Variants in MOB3B observed in about 807,000 individuals in gnomAD.
The protein encoded by MOB3B is MOB kinase activator 3B.
MOB3B carries 7 observed loss-of-function variants against 18.7 expected under a neutral mutation model. That is an observed-to-expected ratio of 0.37 (90% CI 0.21 to 0.70). MOB3B has a LOEUF of 0.70. Among genes scored for constraint, MOB3B ranks in the 30% least tolerant of loss-of-function variants. The probability of loss-of-function intolerance (pLI) is 0.52; values close to 1 mark genes in which losing one functional copy is unlikely to be tolerated. For synonymous variants in MOB3B, 111 were observed against 99.9 expected, an observed-to-expected ratio of 1.11 and a Z score of -0.66; for missense variants, 253 against 281.3, an observed-to-expected ratio of 0.90 and a Z score of 0.72.
rs563689797 is a variant in MOB3B at position 27,481,513 on chromosome 9, T to C, written c.-198-25765A>G. ...AGGAAGGTAGTTTTTTTTTTTTTGTTTTTTTTGTTTTTTTTTTTTTTTGAG... is the reference window on the plus strand; with the variant it reads ...AGGAAGGTAGTTTTTTTTTTTTTGTCTTTTTTGTTTTTTTTTTTTTTTGAG... On this transcript the variant is annotated intron_variant, in intron 1 of 3. Coordinates refer to ENST00000262244, the MANE Select transcript of MOB3B (RefSeq NM_024761.5). Among the ~76,000 whole-genome samples the C allele has an allele frequency of 3.6e-4, 48 of 131,738 alleles. 2 individuals are homozygous for C. In the South Asian group the frequency reaches 0.012, roughly 32 times the overall value. The allele number at this position is 131,738 out of a possible 152,430, so 86.4% of individuals were successfully genotyped here.
chr9:27,516,675 T>G (rs184468635), intron 1 of MOB3B, among the ~76,000 whole-genome samples: 95 of 152,292 alleles, frequency 6.2e-4, no homozygotes, highest in Non-Finnish European at 9.7e-4. Context: ...TCCTCTCCAG[T>G]TTCCTCTTCT....
At chr9:27,445,641 C>G (rs1048908837) in intron 2 of MOB3B, among the ~76,000 whole-genome samples, 35 of 152,036 alleles carry the variant, frequency 2.3e-4, no homozygotes. Flanking sequence ...GGTAAGTCCG[C>G]AATATTTAGC....
intron 1 of MOB3B, among the ~76,000 whole-genome samples, chr9:27,505,418 T>C (rs1049785883): frequency 9.2e-5 from 14 of 152,320 alleles, no homozygotes; most frequent in Non-Finnish European, 1.8e-4. Flanking sequence ...TTCCCGTGAA[T>C]GTGGGAAGTA....
chr9:27,398,072 C>T (rs12552011), intron 2 of MOB3B, among the ~76,000 whole-genome samples: 1,962 of 152,260 alleles, frequency 0.013, 16 homozygotes, highest in Non-Finnish European at 0.021. Context: ...TTCAGGAATC[C>T]CAGATCAGCA....
intron 1 of MOB3B, among the ~76,000 whole-genome samples, chr9:27,522,922 T>TAC: frequency 6.6e-6 from 1 of 150,566 alleles, no homozygotes; most frequent in East Asian, 2.1e-4. Context: ...AATATATATA[T>TAC]ATATATTTTT....
chr9:27,453,933 C>T (rs1822831708), intron 2 of MOB3B, among the ~76,000 whole-genome samples: 1 of 152,112 alleles, frequency 6.6e-6, no homozygotes, highest in South Asian at 2.1e-4. Flanking sequence ...AACCTGCCTT[C>T]TTCCTCCTAT....
At chr9:27,449,269 T>C (rs905691003) in intron 2 of MOB3B, among the ~76,000 whole-genome samples, 26 of 152,366 alleles carry the variant, frequency 1.7e-4, no homozygotes, top group Non-Finnish European at 2.9e-4. Flanking sequence ...AAGCACATTT[T>C]ATTTTACTGA....
intron 2 of MOB3B, among the ~76,000 whole-genome samples, chr9:27,438,060 G>A (rs937441925): frequency 7.9e-5 from 12 of 152,154 alleles, no homozygotes; most frequent in African/African-American, 2.2e-4. Flanking sequence ...CTAACACCAC[G>A]AAGACATTGT....
At position 27,524,197 on chromosome 9, in the gene MOB3B, G is replaced by T. The variant is rs1487630180; in HGVS notation, c.-199+5358C>A. The T allele has an allele frequency of 1.4e-5, 5 of 359,370 alleles. No homozygotes were observed. The South Asian group carries it at 1.8e-4, about 13-fold the overall frequency. 22.3% of individuals were successfully genotyped at this position (359,370 alleles called of 1,614,324 possible). On this transcript the variant is annotated intron_variant, in intron 1 of 3. Coordinates refer to ENST00000262244, the MANE Select transcript of MOB3B (RefSeq NM_024761.5). ...GCCTCAGAGGCAAAGGAAAGGGGCC[G>T]CAACCTTGGTTAACTGTGAAATGAC...
intron 2 of MOB3B, among the ~76,000 whole-genome samples, chr9:27,361,040 C>T (rs1398790699): frequency 6.6e-6 from 1 of 152,102 alleles, no homozygotes; most frequent in East Asian, 1.9e-4. Flanking sequence ...GCCTGAGTCC[C>T]AGAAGTGATG....
At position 27,424,564 on chromosome 9, in the gene MOB3B, A is replaced by G. The variant is rs565282896; in HGVS notation, c.418+30569T>C. Among the ~76,000 whole-genome samples, 6 of 152,314 alleles carry G rather than the reference A, an allele frequency of 3.9e-5. No homozygotes were observed. The South Asian group carries it at 1.2e-3, about 32-fold the overall frequency. ...AGTGATTCTTGCTATTGCCAAACCC[A>G]GTGAAAGAACCACCGGGGGCCAATC... On this transcript the variant is annotated intron_variant, in intron 2 of 3. Coordinates refer to ENST00000262244, the MANE Select transcript of MOB3B (RefSeq NM_024761.5).
chr9:27,493,640 C>CAA (rs968701198), intron 1 of MOB3B, among the ~76,000 whole-genome samples: 3 of 145,384 alleles, frequency 2.1e-5, no homozygotes, highest in African/African-American at 7.5e-5. Context: ...GACTCCATCT[C>CAA]AAAAAAAAAA....
intron 3 of MOB3B, among the ~76,000 whole-genome samples, chr9:27,334,823 T>TTTTTTC (rs56288722): frequency 0.65 from 98,238 of 150,910 alleles, 32,261 homozygotes; most frequent in African/African-American, 0.74. Flanking sequence ...TAATATTCTT[T>TTTTTTC]TTTTTCTTTT....
At chr9:27,387,317 T>G (rs562971025) in intron 2 of MOB3B, among the ~76,000 whole-genome samples, 1 of 152,304 alleles carries the variant, frequency 6.6e-6, no homozygotes, top group Non-Finnish European at 1.5e-5. Flanking sequence ...GCAGACCATT[T>G]TATACACACC....
chr9:27,395,624 A>G (rs532132958), intron 2 of MOB3B, among the ~76,000 whole-genome samples: 217 of 152,280 alleles, frequency 1.4e-3, no homozygotes, highest in Non-Finnish European at 2.7e-3. Context: ...AAATACTGCA[A>G]CGCTCAGTGA....
At chr9:27,507,799 A>G (rs921654838) in intron 1 of MOB3B, among the ~76,000 whole-genome samples, 1 of 152,250 alleles carries the variant, frequency 6.6e-6, no homozygotes, top group Non-Finnish European at 1.5e-5. Flanking sequence ...AAGAATGACC[A>G]TTTACAAATA....
intron 2 of MOB3B, among the ~76,000 whole-genome samples, chr9:27,443,476 G>A (rs1395294772): frequency 6.6e-6 from 1 of 152,118 alleles, no homozygotes; most frequent in Non-Finnish European, 1.5e-5. Flanking sequence ...GTCTATCACT[G>A]AACCTTCTCA....
At chr9:27,519,639 T>C (rs1474170375) in intron 1 of MOB3B, among the ~76,000 whole-genome samples, 1 of 152,168 alleles carries the variant, frequency 6.6e-6, no homozygotes. Context: ...ATAACTGTAG[T>C]TGCCGCAGGG....
chr9:27,374,989 G>T (rs957987808), intron 2 of MOB3B, among the ~76,000 whole-genome samples: 3 of 152,194 alleles, frequency 2.0e-5, no homozygotes, highest in African/African-American at 7.2e-5. Context: ...GACAGGTGTT[G>T]GCCATTTTAG....
Sources: allele counts gnomAD v4.1 joint callset (sites outside exome capture counted in the v4.1 genomes callset), GRCh38; gene constraint gnomAD v4.1.1; transcripts MANE v1.5; gene names NCBI Gene and HGNC (gene_info 2026-07-23, HGNC 2026-07-21).